Variants in CD6 observed in about 807,000 individuals in gnomAD.
CD6 encodes CD6 molecule, also known as T-cell differentiation antigen CD6.
CD6 carries 53 observed loss-of-function variants against 75.3 expected under a neutral mutation model. The observed-to-expected ratio is 0.70, with a 90% CI of 0.56 to 0.88. The LOEUF (loss-of-function observed/expected upper bound fraction) is 0.88. CD6 is among the 40% of genes least tolerant of loss of function. CD6 has a pLI of 0.00. For missense variants in CD6, 770 were observed against 897.1 expected, an observed-to-expected ratio of 0.86 and a Z score of 1.81; for synonymous variants, 359 against 381.5, an observed-to-expected ratio of 0.94 and a Z score of 0.69.
intron 1 of CD6, among the ~76,000 whole-genome samples, chr11:60,987,614 T>C (rs1205247889): frequency 2.0e-5 from 3 of 151,754 alleles, no homozygotes; most frequent in African/African-American, 7.3e-5. Flanking sequence ...GAGAAAGAGG[T>C]GGGTCACTGC....
chr11:61,009,739 G>C lies in CD6; in HGVS notation c.949G>C (p.Gly317Arg). 1 of 1,614,024 alleles carries C rather than the reference G, an allele frequency of 6.2e-7. No homozygotes were observed. Among genetic ancestry groups the C allele is most frequent in the Non-Finnish European group, 8.5e-7 (1 of 1,180,006 alleles). ...GCGTAVERPK[G>R]LPHSLSGRMY... Reference sequence around the variant, plus strand: ...TGGAACTGCGGTTGAGAGGCCCAAGGGGCTGCCCCACTCCTTGTCCGGCAG... The same window carrying C: ...TGGAACTGCGGTTGAGAGGCCCAAGCGGCTGCCCCACTCCTTGTCCGGCAG... The change falls in exon 5 of 13, where the codon GGG (glycine) becomes CGG (arginine). Residue 317 changes from glycine to arginine, a missense_variant. Coordinates refer to ENST00000313421, the MANE Select transcript of CD6 (RefSeq NM_006725.5).
intron 10 of CD6, 83 bp from the exon 11 acceptor site, chr11:61,017,676 G>A: frequency 6.3e-7 from 1 of 1,588,988 alleles, no homozygotes; most frequent in Non-Finnish European, 8.6e-7. Context: ...AATCCTATAG[G>A]CAGTAAGTGC....
At chr11:61,012,413 C>A (rs1859194964) in intron 6 of CD6, among the ~76,000 whole-genome samples, 1 of 152,258 alleles carries the variant, frequency 6.6e-6, no homozygotes, top group South Asian at 2.1e-4. Flanking sequence ...CAGCCTCACT[C>A]TCACATCTGC....
At position 61,007,106 on chromosome 11, in the gene CD6, G is replaced by A. The variant is rs2074223; in HGVS notation, c.119-454G>A. 1.3e-5 allele frequency among the ~76,000 whole-genome samples: 2 copies of A among 151,916 alleles called. No homozygotes were observed. Among genetic ancestry groups the A allele is most frequent in the Non-Finnish European group, 2.9e-5 (2 of 67,976 alleles). On this transcript the variant is annotated intron_variant, in intron 2 of 12. Coordinates refer to ENST00000313421, the MANE Select transcript of CD6 (RefSeq NM_006725.5). This position sits in a 1 kb window ranked among gnomAD's most constrained non-coding sequence, Gnocchi z 4.2. ...CCCATCATCAACCCCATGGCCAGCC[G>A]CTTCACAATCCTCCAAGGTTCCCTA... is the stretch of plus-strand genomic sequence containing the variant.
intron 1 of CD6, among the ~76,000 whole-genome samples, chr11:60,991,149 C>CTTTTTTTTTTTTTTTTTTTTTTTCT (rs58123378): frequency 3.5e-5 from 4 of 114,714 alleles, no homozygotes; most frequent in African/African-American, 1.3e-4. Flanking sequence ...CTTTTTCTTT[C>CTTTTTTTTTTTTTTTTTTTTTTTCT]TTTTTTTTTT....
intron 1 of CD6, among the ~76,000 whole-genome samples, chr11:60,986,770 A>T (rs1229635062): frequency 2.6e-5 from 4 of 152,138 alleles, no homozygotes; most frequent in Admixed American, 6.5e-5. Flanking sequence ...CTTTTGTTGC[A>T]GGTACACCTG....
intron 6 of CD6, among the ~76,000 whole-genome samples, chr11:61,012,481 G>C (rs1859198807): frequency 1.3e-5 from 2 of 152,214 alleles, no homozygotes; most frequent in African/African-American, 4.8e-5. Context: ...TGCAGACAGA[G>C]AGGGGAGAGG....
chr11:61,018,380 G>C lies in CD6; in HGVS notation c.1929G>C (p.Gln643His). 1 of 1,595,058 alleles carries C rather than the reference G, an allele frequency of 6.3e-7. No individual in the cohort carries two copies. Among genetic ancestry groups the C allele is most frequent in the African/African-American group, 1.3e-5 (1 of 74,292 alleles). The part of the protein sequence containing the change: ...QPPPQPPSEE[Q>H]FGCPGSPSPQ... ...CACCCCAGCCCCCTTCGGAGGAGCA[G>C]TTTGGCTGTCCAGGTGCCAATATCT... Residue 643 changes from glutamine (Q) to histidine (H), a missense_variant, in exon 12 of 13, where the codon CAG (glutamine) becomes CAC (histidine). Gln to His is a conservative substitution (Grantham distance 24). Transcript: ENST00000313421.
intron 1 of CD6, among the ~76,000 whole-genome samples, chr11:60,991,152 T>TC (rs1158049285): frequency 0.011 from 1,549 of 143,480 alleles, 29 homozygotes; most frequent in African/African-American, 0.035. Flanking sequence ...TTTCTTTCTT[T>TC]TTTTTTTTTT....
At chr11:60,983,639 T>G (rs763056434) in intron 1 of CD6, among the ~76,000 whole-genome samples, 94 of 152,190 alleles carry the variant, frequency 6.2e-4, no homozygotes, top group Non-Finnish European at 5.7e-4. Context: ...TGTTGTTTTT[T>G]TTTTTTACAT....
At chr11:60,990,004 A>T (rs1199404589) in intron 1 of CD6, among the ~76,000 whole-genome samples, 1 of 152,132 alleles carries the variant, frequency 6.6e-6, no homozygotes, top group Non-Finnish European at 1.5e-5. Flanking sequence ...TTATTTTAAA[A>T]TTTTTTTGTT....
Position 61,015,808 on chromosome 11 carries a change from C to A in CD6, c.1483C>A (p.Pro495Thr). The change falls in exon 9 of 13, where the codon CCT becomes ACT. Residue 495 changes from proline (P) to threonine (T), a missense_variant. By Grantham distance (38) the Pro-to-Thr change is conservative. Transcript: ENST00000313421. Reference protein sequence around the residue: ...DYEHYDFSAQPPVALTTFYNS... With the variant: ...DYEHYDFSAQTPVALTTFYNS... The stretch of plus-strand genomic sequence containing the variant: ...TGAGCACTATGACTTCAGCGCCCAG[C>A]CTCCTGTGGCCCTGACCACCTTCTA... 3 of 1,614,212 alleles carry A rather than the reference C, an allele frequency of 1.9e-6. No individual in the cohort carries two copies. In the East Asian group the frequency reaches 6.7e-5, roughly 36 times the overall value.
At chr11:60,985,304 C>T (rs1171812665) in intron 1 of CD6, 1 of 150,952 alleles carries the variant, frequency 6.6e-6, no homozygotes, top group Non-Finnish European at 1.5e-5. Flanking sequence ...CTGCCTCAGC[C>T]TCCCAAGTAG....
chr11:60,991,149 CTTTTTT>C (rs58123378), intron 1 of CD6, among the ~76,000 whole-genome samples: 1 of 114,714 alleles, frequency 8.7e-6, no homozygotes, highest in Non-Finnish European at 1.7e-5. Flanking sequence ...CTTTTTCTTT[CTTTTTT>C]TTTTTTTTTT....
Position 61,007,802 on chromosome 11 carries a change from C to A in CD6, c.361C>A (p.Leu121Met). The change falls in exon 3 of 13, where the codon CTG (leucine) becomes ATG (methionine). Residue 121 changes from leucine (L) to methionine (M), a missense_variant. Coordinates refer to ENST00000313421, the MANE Select transcript of CD6 (RefSeq NM_006725.5). The surrounding 1 kb of genome is among the most constrained non-coding windows in gnomAD (Gnocchi z 4.2). Reference sequence around the variant, plus strand: ...CACCAGCGTAGCAGCTAATGCCACTCTGGCCGGGGCGCCCGCCCTCCTGTG... The same window carrying A: ...CACCAGCGTAGCAGCTAATGCCACTATGGCCGGGGCGCCCGCCCTCCTGTG... ...GNTSVAANAT[L>M]AGAPALLCSG... is the part of the protein sequence containing the mutation. The A allele has an allele frequency of 6.8e-7, 1 of 1,474,382 alleles. No homozygotes were observed. Among genetic ancestry groups the A allele is most frequent in the Non-Finnish European group, 9.0e-7 (1 of 1,116,400 alleles). The allele number at this position is 1,474,382 out of a possible 1,614,324, so 91.3% of individuals were successfully genotyped here.
intron 4 of CD6, 120 bp downstream of exon 4, chr11:61,008,965 G>T: frequency 1.2e-6 from 1 of 850,732 alleles, no homozygotes; most frequent in Admixed American, 3.0e-5. Context: ...TCACAGTTCA[G>T]GAGGGGAGAT....
chr11:60,996,184 CAATT>C (rs1858286817), intron 1 of CD6, among the ~76,000 whole-genome samples: 1 of 152,192 alleles, frequency 6.6e-6, no homozygotes, highest in African/African-American at 2.4e-5. Flanking sequence ...CTTGCTTTGA[CAATT>C]AAATCATACT....
chr11:61,012,228 G>A (rs1859182655), intron 6 of CD6, among the ~76,000 whole-genome samples: 1 of 152,198 alleles, frequency 6.6e-6, no homozygotes, highest in South Asian at 2.1e-4. Flanking sequence ...CAGGCAACCT[G>A]CACACGCTTT....
intron 1 of CD6, among the ~76,000 whole-genome samples, chr11:60,976,979 G>A (rs1255616107): frequency 1.3e-5 from 2 of 151,968 alleles, no homozygotes; most frequent in Admixed American, 6.5e-5. Context: ...TCTTTCTCCC[G>A]GCTTAGCTTG....
Sources: allele counts gnomAD v4.1 joint callset (sites outside exome capture counted in the v4.1 genomes callset), GRCh38; gene constraint gnomAD v4.1.1; non-coding constraint Gnocchi (gnomAD v3.1); transcripts MANE v1.5; gene names NCBI Gene and HGNC (gene_info 2026-07-23, HGNC 2026-07-21).